Variants in PRSS12 observed in about 807,000 individuals in gnomAD.
The protein encoded by PRSS12 is neurotrypsin.
A neutral mutation model predicts 104.4 loss-of-function variants in PRSS12; 85 were observed. The ratio of observed to expected loss-of-function variants is 0.81; its 90% CI spans 0.68 to 0.98. The LOEUF is 0.98. Ranked by LOEUF, PRSS12 falls within the 50% of genes least tolerant of loss-of-function variation. The pLI is 0.00. For missense variants in PRSS12, 1,141 were observed against 1,139.2 expected (o/e 1.00, Z -0.02); for synonymous variants, 454 against 425.2 (o/e 1.07, Z -0.83).
At chr4:118,351,357 A>AC (rs2126047593) in intron 1 of PRSS12, among the ~76,000 whole-genome samples, 1 of 152,292 alleles carries the variant, frequency 6.6e-6, no homozygotes, top group South Asian at 2.1e-4. Flanking sequence ...CAAAAAAAAA[A>AC]ACCTAATTTC....
At chr4:118,314,416 G>T (rs979023151) in intron 6 of PRSS12, among the ~76,000 whole-genome samples, 1 of 151,784 alleles carries the variant, frequency 6.6e-6, no homozygotes, top group Non-Finnish European at 1.5e-5. Context: ...CTTCTATTTT[G>T]CTGACTAATC....
chr4:118,314,001 C>G (rs546317426), intron 6 of PRSS12, among the ~76,000 whole-genome samples: 1 of 152,118 alleles, frequency 6.6e-6, no homozygotes. Context: ...TAACACTGCA[C>G]TACAGAAACA....
chr4:118,316,737 G>A (rs1159557844), intron 5 of PRSS12, among the ~76,000 whole-genome samples: 1 of 150,774 alleles, frequency 6.6e-6, no homozygotes, highest in Non-Finnish European at 1.5e-5. Context: ...CGGGAAAATC[G>A]CTTCAGCCCA....
intron 8 of PRSS12, among the ~76,000 whole-genome samples, chr4:118,306,426 T>A (rs1348276596): frequency 2.6e-5 from 4 of 152,184 alleles, no homozygotes; most frequent in Non-Finnish European, 5.9e-5. Context: ...ACAGGAAGCA[T>A]GGGGCTGGCA....
chr4:118,339,389 C>T (rs1026593819), intron 1 of PRSS12, among the ~76,000 whole-genome samples: 1 of 152,158 alleles, frequency 6.6e-6, no homozygotes, highest in Non-Finnish European at 1.5e-5. Flanking sequence ...ATAATAACTT[C>T]CAAAAATATT....
chr4:118,282,936 A>G lies in PRSS12; in HGVS notation c.2215T>C (p.Cys739Arg), dbSNP rs778160584. The G allele has an allele frequency of 1.2e-6, 2 of 1,614,136 alleles. No homozygotes were observed. The highest frequency in any genetic ancestry group is 3.3e-5 in the Admixed American group (2 of 60,014). Reference sequence around the variant, plus strand: ...AAAACATGGCTGCTGAATCTGGCACATTGCTCTTCTGGTCCTTGTAATCTA... The same window carrying G: ...AAAACATGGCTGCTGAATCTGGCACGTTGCTCTTCTGGTCCTTGTAATCTA... ...LVRLQGPEEQ[C>R]ARFSSHVLPA... The change falls in exon 12 of 13, where the codon TGT becomes CGT. Residue 739 changes from cysteine to arginine, a missense_variant. Cys to Arg is a radical substitution (Grantham distance 180, BLOSUM62 -3). Transcript: ENST00000296498.
intron 4 of PRSS12, among the ~76,000 whole-genome samples, chr4:118,322,278 C>T (rs370945626): frequency 1.2e-4 from 19 of 152,032 alleles, no homozygotes; most frequent in Non-Finnish European, 2.5e-4. Context: ...GGCTGGGCGC[C>T]GTGGCTCACA....
At chr4:118,329,376 T>A (rs1174538342) in intron 4 of PRSS12, among the ~76,000 whole-genome samples, 1 of 152,346 alleles carries the variant, frequency 6.6e-6, no homozygotes, top group East Asian at 1.9e-4. Context: ...TTGTAACTGA[T>A]AATATTAAAA....
intron 5 of PRSS12, among the ~76,000 whole-genome samples, chr4:118,316,916 C>G (rs1023622191): frequency 4.1e-5 from 6 of 147,292 alleles, no homozygotes. Flanking sequence ...TGATATAATT[C>G]CAAAGTATCT....
intron 12 of PRSS12, among the ~76,000 whole-genome samples, chr4:118,282,617 ATTAAACTGAG>A (rs1000743089): frequency 6.6e-6 from 1 of 152,222 alleles, no homozygotes; most frequent in Non-Finnish European, 1.5e-5. Context: ...ACTTCACTGA[ATTAAACTGAG>A]TTCTCAGTTT....
At chr4:118,347,558 A>G (rs557523039) in intron 1 of PRSS12, among the ~76,000 whole-genome samples, 22 of 152,322 alleles carry the variant, frequency 1.4e-4, no homozygotes, top group African/African-American at 5.0e-4. Context: ...GTTGGCTTGT[A>G]AAAAAGGGAG....
chr4:118,316,421 C>T (rs1723414741), intron 5 of PRSS12, 98 bp from the exon 6 acceptor site: 25 of 1,473,096 alleles, frequency 1.7e-5, no homozygotes, highest in African/African-American at 2.8e-5. Flanking sequence ...ATATTCAGGC[C>T]TCACTCTAGG....
intron 11 of PRSS12, among the ~76,000 whole-genome samples, chr4:118,292,007 G>A (rs1743139232): frequency 1.3e-5 from 2 of 151,862 alleles, no homozygotes. Flanking sequence ...AGCAAACCAC[G>A]ATGACACGCG....
At chr4:118,316,837 A>AAATATAT (rs35698159) in intron 5 of PRSS12, among the ~76,000 whole-genome samples, 167 of 99,192 alleles carry the variant, frequency 1.7e-3, no homozygotes, top group South Asian at 6.5e-3. Flanking sequence ...AAAAAAAAAA[A>AAATATAT]ATATATATAT....
Position 118,308,586 on chromosome 4 carries a change from T to A in PRSS12, c.1490-9A>T. The A allele has an allele frequency of 6.2e-7, 1 of 1,613,866 alleles. No individual in the cohort carries two copies. The highest frequency in any genetic ancestry group is 1.1e-5 in the South Asian group (1 of 91,088). On this transcript the variant is annotated splice_polypyrimidine_tract_variant and intron_variant, in intron 7 of 12. Coordinates refer to ENST00000296498, the MANE Select transcript of PRSS12 (RefSeq NM_003619.4). ...CAGTCTGACAGGAAAACCTAAGTCA[T>A]GATTCAAAAGTATTAGAACAGCCCA...
intron 7 of PRSS12, 153 bp downstream of exon 7, chr4:118,313,048 T>C: frequency 3.6e-6 from 3 of 838,336 alleles, no homozygotes; most frequent in Non-Finnish European, 5.5e-6. Flanking sequence ...AAGATTATTT[T>C]TCTCTGCATA....
chr4:118,307,848 T>C (rs1167091571), intron 8 of PRSS12, among the ~76,000 whole-genome samples: 3 of 151,540 alleles, frequency 2.0e-5, no homozygotes, highest in Non-Finnish European at 2.9e-5. Flanking sequence ...GTACTATAAA[T>C]GGGGGCCATT....
In PRSS12 at chr4:118,352,218, C is replaced by G. The variant is rs373688551; in HGVS notation, c.502+1G>C. 112 of 1,611,574 alleles carry G rather than the reference C, an allele frequency of 6.9e-5. No homozygotes were observed. The highest frequency in any genetic ancestry group is 9.3e-5 in the Non-Finnish European group (110 of 1,179,648). On this transcript the variant is annotated splice_donor_variant, in intron 1 of 12. Coordinates refer to ENST00000296498, the MANE Select transcript of PRSS12 (RefSeq NM_003619.4). LOFTEE classifies it high-confidence loss of function. ...TCCGCGGCCGCCCCGAGGCCACTAA[C>G]CGTGTCTGCAGTCGCAGTAGCCCCA...
chr4:118,297,784 A>G (rs1743287872), intron 9 of PRSS12, among the ~76,000 whole-genome samples: 1 of 152,140 alleles, frequency 6.6e-6, no homozygotes, highest in South Asian at 2.1e-4. Context: ...CTTTTCATAA[A>G]ATGTACCACA....
Sources: gnomAD v4.1 joint callset for allele counts (sites outside exome capture counted in the v4.1 genomes callset) on GRCh38, gnomAD v4.1.1 for gene constraint, MANE v1.5 for transcripts, NCBI Gene and HGNC (gene_info 2026-07-23, HGNC 2026-07-21) for gene names.